Variants in GAS6 observed in about 807,000 individuals in gnomAD.
GAS6 encodes the protein growth arrest specific 6, also known as growth arrest-specific protein 6.
Under a neutral mutation model 75.8 loss-of-function variants are expected in GAS6, and 41 were observed. The observed-to-expected ratio is 0.54, with a 90% CI of 0.42 to 0.70. The LOEUF (loss-of-function observed/expected upper bound fraction) is 0.70. Ranked by LOEUF, GAS6 falls within the 30% of genes least tolerant of loss-of-function variation. The pLI is 0.00. For synonymous variants in GAS6, 432 were observed against 412.6 expected (o/e 1.05, Z -0.57); for missense variants, 854 against 940.2 (o/e 0.91, Z 1.20).
intron 4 of GAS6, chr13:113,842,305 C>T (rs796973980): frequency 3.0e-5 from 9 of 296,406 alleles, no homozygotes; most frequent in African/African-American, 7.8e-5. Context: ...ACGGAGCTCG[C>T]GTCTCGAAGT....
At position 113,837,942 on chromosome 13, in the gene GAS6, G is replaced by T; in HGVS notation, c.589+127C>A. The T allele has an allele frequency of 2.6e-6, 3 of 1,146,376 alleles. No individual in the cohort carries two copies. The highest frequency in any genetic ancestry group is 3.7e-6 in the Non-Finnish European group (3 of 800,442). 71.0% of individuals were successfully genotyped at this position (1,146,376 alleles called of 1,614,324 possible). ...GGCCTGGGCTTGTGTAGTCTCTGCA[G>T]GATGCCCCATCCCATCCAGAACCAC... On this transcript the variant is annotated intron_variant, in intron 6 of 14. Coordinates refer to ENST00000327773, the MANE Select transcript of GAS6 (RefSeq NM_000820.4). The surrounding 1 kb of genome is among the most constrained non-coding windows in gnomAD (Gnocchi z 5.1).
chr13:113,864,048 G>T lies in GAS6; in HGVS notation c.-128C>A. 2.1e-6 allele frequency: 2 copies of T among 951,228 alleles called. No homozygotes were observed. Among genetic ancestry groups the T allele is most frequent in the Non-Finnish European group, 1.3e-6 (1 of 795,510 alleles). The allele number at this position is 951,228 out of a possible 1,614,324, so 58.9% of individuals were successfully genotyped here. On this transcript the variant is annotated 5_prime_UTR_variant, in exon 1 of 15. Coordinates refer to ENST00000327773, the MANE Select transcript of GAS6 (RefSeq NM_000820.4). ...TCACATCGCGGCGGCGGCGGCGGCG[G>T]CGGCTGCGGCACCTCAAGCGCTCGG...
chr13:113,863,847 G>C lies in GAS6; in HGVS notation c.74C>G (p.Ala25Gly). ...APQLLLLLLA[A>G]ECALAALLPA... is the part of the protein sequence containing the mutation. The stretch of plus-strand genomic sequence containing the variant: ...GCGGGACTCACCAAGCGCGCACTCC[G>C]CGGCCAGCAGCAGCAGCAGCAGCTG... The change falls in exon 1 of 15, where the codon GCG (alanine) becomes GGG (glycine). Residue 25 changes from alanine (A) to glycine (G), a missense_variant. By Grantham distance (60) the Ala-to-Gly change is moderately conservative. Coordinates refer to ENST00000327773, the MANE Select transcript of GAS6 (RefSeq NM_000820.4). This position sits in a 1 kb window ranked among gnomAD's most constrained non-coding sequence, Gnocchi z 9.4. 2 of 1,276,758 alleles carry C rather than the reference G, an allele frequency of 1.6e-6. No individual in the cohort carries two copies. The highest frequency in any genetic ancestry group is 1.6e-5 in the African/African-American group (1 of 63,988). The allele number at this position is 1,276,758 out of a possible 1,614,324, so 79.1% of individuals were successfully genotyped here. A position where few individuals can be genotyped will look rare whatever the true frequency, so the allele number is the denominator to read the frequency against.
intron 2 of GAS6, among the ~76,000 whole-genome samples, chr13:113,849,071 C>T (rs2051855301): frequency 6.6e-6 from 1 of 152,240 alleles, no homozygotes; most frequent in Non-Finnish European, 1.5e-5. Flanking sequence ...GGCCTTGCCA[C>T]ACCTTTTGTG....
intron 10 of GAS6, among the ~76,000 whole-genome samples, chr13:113,828,984 A>G (rs71437244): frequency 7.2e-5 from 6 of 83,476 alleles, no homozygotes; most frequent in African/African-American, 2.7e-4. Flanking sequence ...TCCTCCCCTG[A>G]GCCAAGAGGG....
At chr13:113,842,599 C>T (rs1274119062) in intron 4 of GAS6, 3 of 396,904 alleles carry the variant, frequency 7.6e-6, no homozygotes, top group East Asian at 3.6e-5. Flanking sequence ...GGGGCGTATC[C>T]GCTTCTCCAC....
chr13:113,828,453 T>C, intron 11 of GAS6, 94 bp downstream of exon 11: 1 of 1,332,494 alleles, frequency 7.5e-7, no homozygotes, highest in Non-Finnish European at 1.0e-6. Context: ...TGGTTAATGG[T>C]AAACACAGGG....
intron 2 of GAS6, among the ~76,000 whole-genome samples, chr13:113,858,763 G>C (rs560610868): frequency 2.0e-5 from 3 of 151,496 alleles, no homozygotes; most frequent in Admixed American, 2.0e-4. Flanking sequence ...ATGTGTGTGC[G>C]TGTCATTATG....
chr13:113,824,688 T>G (rs914803445), intron 12 of GAS6, among the ~76,000 whole-genome samples: 4 of 152,134 alleles, frequency 2.6e-5, no homozygotes, highest in African/African-American at 9.7e-5. Flanking sequence ...ATTGTGCTGG[T>G]TTCCCTGTCT....
intron 7 of GAS6, 125 bp from the exon 8 acceptor site, chr13:113,834,797 G>C (rs968121052): frequency 1.8e-6 from 2 of 1,135,070 alleles, no homozygotes; most frequent in East Asian, 2.9e-5. Flanking sequence ...AGATTCTAAC[G>C]GGGGCGGCTT....
At chr13:113,821,450 G>A (rs2138607321) in intron 14 of GAS6, 2 of 231,728 alleles carry the variant, frequency 8.6e-6, no homozygotes, top group East Asian at 9.6e-5. Context: ...AGGACTTGCC[G>A]GCTCCCACGT....
chr13:113,863,867 C>G lies in GAS6; in HGVS notation c.54G>C (p.Leu18=). Residue 18 remains leucine (L), a synonymous_variant, in exon 1 of 15, where the codon CTG becomes CTC. Coordinates refer to ENST00000327773, the MANE Select transcript of GAS6 (RefSeq NM_000820.4). The surrounding 1 kb of genome is among the most constrained non-coding windows in gnomAD (Gnocchi z 9.4). The part of the protein sequence containing the change: ...GPAALRRAPQ[L]LLLLLAAECA... The stretch of plus-strand genomic sequence containing the variant: ...ACTCCGCGGCCAGCAGCAGCAGCAG[C>G]AGCTGCGGCGCGCGGCGCAGGGCGG... The G allele has an allele frequency of 8.1e-6, 10 of 1,239,778 alleles. No homozygotes were observed. Among genetic ancestry groups the G allele is most frequent in the Non-Finnish European group, 1.0e-5 (10 of 995,122 alleles). The allele number at this position is 1,239,778 out of a possible 1,614,324, so 76.8% of individuals were successfully genotyped here.
In GAS6 at chr13:113,828,539, G is replaced by C. The variant is rs1594191998; in HGVS notation, c.1308+8C>G. The C allele has an allele frequency of 6.2e-7, 1 of 1,612,656 alleles. No individual in the cohort carries two copies. Among genetic ancestry groups the C allele is most frequent in the South Asian group, 1.1e-5 (1 of 90,992 alleles). ...GCGCGTCTACACAGGGACAGGTACA[G>C]TACTCACAGGCTGCACGAGGTCCTT... is the stretch of plus-strand genomic sequence containing the variant. On this transcript the variant is annotated splice_region_variant and intron_variant, in intron 11 of 14. Transcript: ENST00000327773.
At chr13:113,832,101 G>A (rs1401524001) in intron 10 of GAS6, among the ~76,000 whole-genome samples, 198 bp downstream of exon 10, 6 of 137,632 alleles carry the variant, frequency 4.4e-5, no homozygotes, top group East Asian at 2.3e-4. Context: ...CCCGTCCCCC[G>A]GAGCATGAAC....
rs2051962514 is a variant in GAS6, at chr13:113,860,470, G to C, written c.255+3105C>G. 2.6e-5 allele frequency among the ~76,000 whole-genome samples: 4 copies of C among 152,270 alleles called. No individual in the cohort carries two copies. The South Asian group carries it at 8.3e-4, about 32-fold the overall frequency. ...AGTCTCTAGTCTCGGATCATTTCTG[G>C]AATCAAGGGGTGATTATGGAGACCT... On this transcript the variant is annotated intron_variant, in intron 2 of 14. Transcript: ENST00000327773.
rs1452089042 is a variant in GAS6, at chr13:113,823,442, T to A, written c.1586A>T (p.Asp529Val). Residue 529 changes from aspartate (D) to valine (V), a missense_variant, in exon 13 of 15, where the codon GAC becomes GTC. Asp to Val is a radical substitution (Grantham distance 152). Transcript: ENST00000327773. ...TGVLFALWAP[D>V]LRAVPLSVAL... ...CACAGAGAGAGGCACGGCACGGAGG[T>A]CGGGGGCCCAGAGCGCAAACAGCAC... The A allele has an allele frequency of 6.2e-7, 1 of 1,612,472 alleles. No individual in the cohort carries two copies. The highest frequency in any genetic ancestry group is 1.1e-5 in the South Asian group (1 of 91,048).
chr13:113,858,990 G>A (rs565294758), intron 2 of GAS6, among the ~76,000 whole-genome samples: 1 of 151,788 alleles, frequency 6.6e-6, no homozygotes, highest in Non-Finnish European at 1.5e-5. Context: ...ATGAATGTGT[G>A]CATGTATGTA....
chr13:113,838,225 A>G (rs1413222782), intron 5 of GAS6, 34 bp from the exon 6 acceptor site: 11 of 1,609,220 alleles, frequency 6.8e-6, no homozygotes. Context: ...GGGGAGCCCA[A>G]GGGTGCACAG....
At chr13:113,858,695 GTGAC>G (rs1476728777) in intron 2 of GAS6, among the ~76,000 whole-genome samples, 3 of 151,182 alleles carry the variant, frequency 2.0e-5, no homozygotes, top group African/African-American at 4.9e-5. Context: ...GTCTGTGTGT[GTGAC>G]TGTGTATGTA....
Sources: gnomAD v4.1 joint callset for allele counts (sites outside exome capture counted in the v4.1 genomes callset) on GRCh38, gnomAD v4.1.1 for gene constraint, Gnocchi (gnomAD v3.1) non-coding constraint, MANE v1.5 for transcripts, NCBI Gene and HGNC (gene_info 2026-07-23, HGNC 2026-07-21) for gene names.